Variants in GDPD1 observed in about 807,000 individuals in gnomAD.
GDPD1 encodes the protein lysophospholipase D GDPD1.
GDPD1 carries 28 observed loss-of-function variants against 45.1 expected under a neutral mutation model. That is an observed-to-expected ratio of 0.62 (90% CI 0.46 to 0.85). The LOEUF is 0.85. Ranked by LOEUF, GDPD1 falls within the 40% of genes least tolerant of loss-of-function variation. The pLI, the probability that GDPD1 is intolerant of heterozygous loss-of-function variation, is 0.00. For missense variants in GDPD1, 256 were observed against 364.8 expected (o/e 0.70, Z 2.43); for synonymous variants, 139 against 131.4 (o/e 1.06, Z -0.40).
At chr17:59,231,324 C>CTTTCT (rs1555721414) in intron 1 of GDPD1, among the ~76,000 whole-genome samples, 2 of 114,422 alleles carry the variant, frequency 1.7e-5, no homozygotes, top group Non-Finnish European at 3.4e-5. Flanking sequence ...TTCTTTCTTT[C>CTTTCT]TTTTTTTTTT....
Position 59,255,857 on chromosome 17 carries a change from GTATA to G in GDPD1, c.368-1250_368-1247del, listed in dbSNP as rs752195481. 9.8e-3 allele frequency among the ~76,000 whole-genome samples: 402 copies of G among 40,860 alleles called. 11 individuals are homozygous for G. The highest frequency in any genetic ancestry group is 0.047 in the East Asian group (76 of 1,604). 26.8% of individuals were successfully genotyped at this position (40,860 alleles called of 152,430 possible). On this transcript the variant is annotated intron_variant, in intron 4 of 9. Coordinates refer to ENST00000284116, the MANE Select transcript of GDPD1 (RefSeq NM_182569.4). ...TATATATATATATATATATACACAC[GTATA>G]TATATATATATATACACACACACAC...
Position 59,257,257 on chromosome 17 carries a change from CT to C in GDPD1, c.486+18del. 1 of 1,288,078 alleles carries C rather than the reference CT, an allele frequency of 7.8e-7. No individual in the cohort carries two copies. Among genetic ancestry groups the C allele is most frequent in the Non-Finnish European group, 1.1e-6 (1 of 899,554 alleles). The allele number at this position is 1,288,078 out of a possible 1,614,324, so 79.8% of individuals were successfully genotyped here. A position where few individuals can be genotyped will look rare whatever the true frequency, so the allele number is the denominator to read the frequency against. ...ATTAAGAAGGTACTCAAGGCATTGC[CT>C]CCTCTGGGTGTGTTGCATCCTATTT... On this transcript the variant is annotated intron_variant, in intron 5 of 9. Coordinates refer to ENST00000284116, the MANE Select transcript of GDPD1 (RefSeq NM_182569.4).
At chr17:59,254,191 G>A (rs2047278126) in intron 4 of GDPD1, among the ~76,000 whole-genome samples, 1 of 151,758 alleles carries the variant, frequency 6.6e-6, no homozygotes, top group African/African-American at 2.4e-5. Flanking sequence ...GAGAAACCCC[G>A]TCTCTACTAA....
intron 3 of GDPD1, among the ~76,000 whole-genome samples, chr17:59,247,575 C>G (rs183031374): frequency 6.6e-6 from 1 of 152,004 alleles, no homozygotes; most frequent in African/African-American, 2.4e-5. Context: ...AACCATTCTT[C>G]GATTGATGGA....
At chr17:59,238,236 C>T (rs1324023835) in intron 2 of GDPD1, among the ~76,000 whole-genome samples, 6 of 138,660 alleles carry the variant, frequency 4.3e-5, no homozygotes, top group African/African-American at 1.6e-4. Flanking sequence ...CCATTGCACT[C>T]CAGCCTGGGC....
intron 1 of GDPD1, among the ~76,000 whole-genome samples, chr17:59,221,217 G>C (rs2047001783): frequency 6.6e-6 from 1 of 152,064 alleles, no homozygotes; most frequent in Non-Finnish European, 1.5e-5. Context: ...CTGGGGATTT[G>C]CATGAAGCTG....
At chr17:59,269,256 C>T (rs2047425674) in intron 7 of GDPD1, among the ~76,000 whole-genome samples, 1 of 151,962 alleles carries the variant, frequency 6.6e-6, no homozygotes, top group South Asian at 2.1e-4. Flanking sequence ...GAGATGGCTG[C>T]ACTCTAGCCT....
At chr17:59,273,102 T>TACATAC in intron 9 of GDPD1, 1 of 278,884 alleles carries the variant, frequency 3.6e-6, no homozygotes, top group Non-Finnish European at 6.2e-6. Flanking sequence ...TATATAAATA[T>TACATAC]ATGTATGTAT....
intron 2 of GDPD1, among the ~76,000 whole-genome samples, chr17:59,241,027 C>T (rs186214449): frequency 1.3e-5 from 2 of 152,102 alleles, no homozygotes; most frequent in Admixed American, 6.6e-5. Flanking sequence ...GTTACATTTG[C>T]CTGTAGTATT....
chr17:59,271,729 G>T (rs1433633333), intron 8 of GDPD1, among the ~76,000 whole-genome samples: 1 of 149,970 alleles, frequency 6.7e-6, no homozygotes, highest in African/African-American at 2.5e-5. Context: ...CGCTTCCTGG[G>T]TTCAAGTGAT....
intron 2 of GDPD1, among the ~76,000 whole-genome samples, chr17:59,242,748 A>T (rs1177548200): frequency 1.3e-5 from 2 of 152,176 alleles, no homozygotes. Flanking sequence ...CTCTCAGCAA[A>T]AAAAGAAGTC....
At chr17:59,265,943 T>C (rs1191083322) in intron 6 of GDPD1, among the ~76,000 whole-genome samples, 1 of 146,138 alleles carries the variant, frequency 6.8e-6, no homozygotes, top group African/African-American at 2.5e-5. Context: ...TTTTCACTTT[T>C]GCAAAATGAA....
intron 4 of GDPD1, among the ~76,000 whole-genome samples, chr17:59,253,615 C>T (rs1421289492): frequency 6.6e-6 from 1 of 151,958 alleles, no homozygotes; most frequent in South Asian, 2.1e-4. Flanking sequence ...TTTTGCTGTT[C>T]CAAAGTTAGT....
intron 1 of GDPD1, among the ~76,000 whole-genome samples, chr17:59,223,388 G>A (rs1461108902): frequency 6.6e-6 from 1 of 152,104 alleles, no homozygotes; most frequent in Non-Finnish European, 1.5e-5. Context: ...TGTTGAATAT[G>A]TACACTCAAT....
chr17:59,250,601 G>A (rs1052025625), intron 4 of GDPD1, among the ~76,000 whole-genome samples: 2 of 137,862 alleles, frequency 1.5e-5, no homozygotes, highest in Non-Finnish European at 3.0e-5. Context: ...GGGTGACAGT[G>A]AGACCTTGTC....
chr17:59,257,640 AG>A, intron 5 of GDPD1, 110 bp from the exon 6 acceptor site: 3 of 678,992 alleles, frequency 4.4e-6, no homozygotes, highest in Non-Finnish European at 5.1e-6. Context: ...TTCTTCCAAA[AG>A]TTATGCTATT....
At chr17:59,249,838 C>T (rs914431791) in intron 4 of GDPD1, among the ~76,000 whole-genome samples, 1 of 152,076 alleles carries the variant, frequency 6.6e-6, no homozygotes, top group African/African-American at 2.4e-5. Flanking sequence ...TAAATGTCAG[C>T]TCCATTTATA....
intron 4 of GDPD1, among the ~76,000 whole-genome samples, chr17:59,252,769 G>T (rs2047265620): frequency 6.6e-6 from 1 of 151,434 alleles, no homozygotes; most frequent in Non-Finnish European, 1.5e-5. Flanking sequence ...GGAGGTTGAG[G>T]CAGGAAGATC....
intron 1 of GDPD1, among the ~76,000 whole-genome samples, chr17:59,234,223 C>T (rs1269987000): frequency 6.6e-6 from 1 of 151,818 alleles, no homozygotes. Context: ...TGGAGGCGGG[C>T]GCCTGTAGTC....
Sources: allele counts gnomAD v4.1 joint callset (sites outside exome capture counted in the v4.1 genomes callset), GRCh38; gene constraint gnomAD v4.1.1; transcripts MANE v1.5; gene names NCBI Gene and HGNC (gene_info 2026-07-23, HGNC 2026-07-21).